The following GSE1 variants were observed in gnomAD, a reference collection of about 807,000 sequenced individuals.
GSE1 encodes the protein genetic suppressor element 1.
A neutral mutation model predicts 112.6 loss-of-function variants in GSE1; 32 were observed. The ratio of observed to expected loss-of-function variants is 0.28; its 90% CI spans 0.21 to 0.38. The LOEUF (loss-of-function observed/expected upper bound fraction) is 0.38. Among genes scored for constraint, GSE1 ranks in the 10% least tolerant of loss-of-function variants. The probability of loss-of-function intolerance (pLI) is 1.00; values close to 1 mark genes in which losing one functional copy is unlikely to be tolerated. For missense variants in GSE1, 2,348 were observed against 1,699.2 expected, an observed-to-expected ratio of 1.38 and a Z score of -6.71; for synonymous variants, 1,115 against 735.6, an observed-to-expected ratio of 1.52 and a Z score of -8.35.
At chr16:85,258,087 C>T (rs945308027) in intron 1 of GSE1, among the ~76,000 whole-genome samples, 1 of 152,208 alleles carries the variant, frequency 6.6e-6, no homozygotes, top group African/African-American at 2.4e-5. Context: ...AAACATTCTA[C>T]AGATGGGTTG....
intron 2 of GSE1, among the ~76,000 whole-genome samples, chr16:85,472,997 CGAGG>C (rs1483876307): frequency 6.6e-6 from 1 of 152,218 alleles, no homozygotes; most frequent in Non-Finnish European, 1.5e-5. Context: ...TGGGCACAGG[CGAGG>C]GAGGCTGAGG....
intron 1 of GSE1, among the ~76,000 whole-genome samples, chr16:85,628,345 G>A (rs1158927859): frequency 1.3e-5 from 2 of 152,236 alleles, no homozygotes; most frequent in African/African-American, 2.4e-5. Context: ...GATGCTGCCC[G>A]CAGGGGACCC....
intron 1 of GSE1, among the ~76,000 whole-genome samples, chr16:85,308,941 G>A (rs1175362410): frequency 1.3e-5 from 2 of 149,658 alleles, no homozygotes; most frequent in African/African-American, 2.5e-5. Context: ...TTTCAGAAGC[G>A]CAGATGCACG....
Position 85,672,640 on chromosome 16 carries a change from A to G in GSE1, c.*101A>G, listed in dbSNP as rs2053443754. ...TTCACTGGGAGGTTTGAAGCTTACA[A>G]AATGAGAATGTGCCATGCATGAAGC... On this transcript the variant is annotated 3_prime_UTR_variant, in exon 16 of 16. Coordinates refer to ENST00000253458, the MANE Select transcript of GSE1 (RefSeq NM_014615.5). The G allele has an allele frequency of 2.4e-6, 2 of 834,582 alleles. No homozygotes were observed. The highest frequency in any genetic ancestry group is 1.7e-5 in the African/African-American group (1 of 58,698). 51.7% of individuals were successfully genotyped at this position (834,582 alleles called of 1,614,324 possible). A position where few individuals can be genotyped will look rare whatever the true frequency, so the allele number is the denominator to read the frequency against.
intron 2 of GSE1, among the ~76,000 whole-genome samples, chr16:85,379,593 C>G (rs979035307): frequency 3.3e-5 from 5 of 152,208 alleles, no homozygotes; most frequent in Admixed American, 6.5e-5. Context: ...CAAGGTCTTA[C>G]TTAGAAGCAG....
At chr16:85,248,584 G>C (rs1469460986) in intron 1 of GSE1, among the ~76,000 whole-genome samples, 1 of 152,074 alleles carries the variant, frequency 6.6e-6, no homozygotes, top group African/African-American at 2.4e-5. Flanking sequence ...GATACAGTAA[G>C]TGGAAGGCAG....
Position 85,665,868 on chromosome 16 carries a change from C to A in GSE1, c.2759-108C>A, listed in dbSNP as rs535602994. ...ATGTTCCCCGGGTCTTGGTTCTTTG[C>A]GCTAGGTCTTTGTTAAGTGTAAGCT... On this transcript the variant is annotated intron_variant, in intron 12 of 15. Transcript: ENST00000253458. 18 of 1,047,898 alleles carry A rather than the reference C, an allele frequency of 1.7e-5. No individual in the cohort carries two copies. The East Asian group carries it at 4.0e-4, about 24-fold the overall frequency. The allele number at this position is 1,047,898 out of a possible 1,614,324, so 64.9% of individuals were successfully genotyped here.
At chr16:85,621,923 A>C (rs1038613745) in intron 1 of GSE1, among the ~76,000 whole-genome samples, 1 of 152,094 alleles carries the variant, frequency 6.6e-6, no homozygotes, top group East Asian at 1.9e-4. Context: ...AGCCTGGACT[A>C]CTTCTCATGG....
chr16:85,600,693 C>T (rs1405303961), intron 1 of GSE1, among the ~76,000 whole-genome samples: 1 of 152,044 alleles, frequency 6.6e-6, no homozygotes, highest in East Asian at 1.9e-4. Context: ...GGCGTAGCAT[C>T]GCAGATGTAG....
chr16:85,386,466 C>T (rs965970864), intron 2 of GSE1, among the ~76,000 whole-genome samples: 9 of 152,194 alleles, frequency 5.9e-5, no homozygotes, highest in Non-Finnish European at 1.3e-4. Context: ...GGTGAGCTGT[C>T]GCCATGACGG....
intron 1 of GSE1, among the ~76,000 whole-genome samples, chr16:85,290,487 C>T (rs763705081): frequency 6.6e-6 from 1 of 152,168 alleles, no homozygotes; most frequent in Non-Finnish European, 1.5e-5. Context: ...CTTAAACCCT[C>T]CGTCACTTGC....
At chr16:85,376,286 A>G (rs1260324146) in intron 2 of GSE1, among the ~76,000 whole-genome samples, 5 of 152,168 alleles carry the variant, frequency 3.3e-5, no homozygotes, top group Non-Finnish European at 7.4e-5. Context: ...GGAAATGGGG[A>G]TGATCGAGGA....
At chr16:85,201,048 C>T (rs1026717443) in intron 1 of GSE1, among the ~76,000 whole-genome samples, 1 of 151,732 alleles carries the variant, frequency 6.6e-6, no homozygotes, top group African/African-American at 2.4e-5. Context: ...ATCTGTAACC[C>T]CTTATCTGAA....
intron 2 of GSE1, among the ~76,000 whole-genome samples, chr16:85,371,076 C>G (rs2047288771): frequency 6.6e-6 from 1 of 152,204 alleles, no homozygotes; most frequent in African/African-American, 2.4e-5. Context: ...GGGCCTGGGC[C>G]TGGAGGGAGC....
At chr16:85,463,786 C>G (rs572731550) in intron 2 of GSE1, among the ~76,000 whole-genome samples, 2 of 152,160 alleles carry the variant, frequency 1.3e-5, no homozygotes, top group African/African-American at 4.8e-5. Context: ...CGCCATGAGT[C>G]CCATCGGAGA....
chr16:85,504,083 G>T (rs1419422524), intron 2 of GSE1, among the ~76,000 whole-genome samples: 3 of 152,218 alleles, frequency 2.0e-5, no homozygotes, highest in Non-Finnish European at 4.4e-5. Context: ...CTCTCTTCCA[G>T]GCCTGTGTTT....
intron 2 of GSE1, among the ~76,000 whole-genome samples, chr16:85,524,110 G>A (rs965638254): frequency 1.3e-5 from 2 of 152,178 alleles, no homozygotes; most frequent in African/African-American, 2.4e-5. Flanking sequence ...GCCCAGGTCT[G>A]GGGGCCGGTG....
intron 1 of GSE1, among the ~76,000 whole-genome samples, chr16:85,628,344 C>G (rs949811354): frequency 4.6e-5 from 7 of 152,208 alleles, no homozygotes; most frequent in African/African-American, 1.7e-4. Flanking sequence ...GGATGCTGCC[C>G]GCAGGGGACC....
chr16:85,629,487 G>A (rs1049472349), intron 1 of GSE1, among the ~76,000 whole-genome samples: 19 of 152,242 alleles, frequency 1.2e-4, no homozygotes, highest in South Asian at 2.1e-4. Context: ...AGCCTGCACC[G>A]GAGATCGGCC....
Sources: allele counts gnomAD v4.1 joint callset (sites outside exome capture counted in the v4.1 genomes callset), GRCh38; gene constraint gnomAD v4.1.1; transcripts MANE v1.5; gene names NCBI Gene and HGNC (gene_info 2026-07-23, HGNC 2026-07-21).